Variants in RARB observed in about 807,000 individuals in gnomAD.
RARB encodes retinoic acid receptor beta, also known as HBV-activated protein.
Under a neutral mutation model 51.9 loss-of-function variants are expected in RARB, and 17 were observed. The ratio of observed to expected loss-of-function variants is 0.33; its 90% CI spans 0.22 to 0.49. The LOEUF (loss-of-function observed/expected upper bound fraction) is 0.49. Among genes scored for constraint, RARB ranks in the 20% least tolerant of loss-of-function variants. The pLI is 0.99. For missense variants in RARB, 369 were observed against 550.8 expected (o/e 0.67, Z 3.30); for synonymous variants, 215 against 195.4 (o/e 1.10, Z -0.84).
intron 1 of RARB, among the ~76,000 whole-genome samples, chr3:25,434,652 C>T (rs990511393): frequency 1.7e-4 from 25 of 151,512 alleles, no homozygotes; most frequent in African/African-American, 6.1e-4. Flanking sequence ...AGTGATTCTC[C>T]TGCCTCAGCC....
At chr3:25,334,422 T>C (rs1264176801) in intron 5 of RARB, among the ~76,000 whole-genome samples, 1 of 152,054 alleles carries the variant, frequency 6.6e-6, no homozygotes, top group African/African-American at 2.4e-5. Context: ...AGCAAACTAT[T>C]GCAAGGACAG....
chr3:24,879,925 C>G (rs1703125062), intron 2 of RARB, among the ~76,000 whole-genome samples: 1 of 150,554 alleles, frequency 6.6e-6, no homozygotes, highest in Non-Finnish European at 1.5e-5. Flanking sequence ...TGCGTGAATC[C>G]CATCTTGCAA....
At chr3:25,082,842 A>G (rs1699033843) in intron 3 of RARB, among the ~76,000 whole-genome samples, 1 of 152,082 alleles carries the variant, frequency 6.6e-6, no homozygotes, top group Non-Finnish European at 1.5e-5. Flanking sequence ...GCAAGTCTAT[A>G]TAGTGCAAGT....
intron 5 of RARB, among the ~76,000 whole-genome samples, chr3:25,212,198 A>G (rs1372200878): frequency 2.0e-5 from 3 of 152,236 alleles, no homozygotes; most frequent in African/African-American, 7.2e-5. Flanking sequence ...CTAAAATGAA[A>G]CTGAAAGGAA....
At chr3:25,030,812 G>GT (rs1697857416) in intron 2 of RARB, among the ~76,000 whole-genome samples, 1 of 152,188 alleles carries the variant, frequency 6.6e-6, no homozygotes, top group Non-Finnish European at 1.5e-5. Flanking sequence ...AACACTAAAT[G>GT]TAAGTTCAAG....
intron 2 of RARB, among the ~76,000 whole-genome samples, chr3:25,021,435 G>A (rs1050761117): frequency 6.6e-6 from 1 of 151,756 alleles, no homozygotes; most frequent in African/African-American, 2.4e-5. Context: ...AATGAGCTAA[G>A]AATCACCTTA....
chr3:25,560,927 G>A (rs939961375), intron 3 of RARB, among the ~76,000 whole-genome samples: 5 of 152,062 alleles, frequency 3.3e-5, no homozygotes, highest in Non-Finnish European at 7.4e-5. Flanking sequence ...TTGGTATAGG[G>A]CTCCCACTAT....
At chr3:25,552,818 A>C (rs1699902363) in intron 3 of RARB, among the ~76,000 whole-genome samples, 1 of 152,194 alleles carries the variant, frequency 6.6e-6, no homozygotes, top group Admixed American at 6.5e-5. Flanking sequence ...GGAAGAAAAT[A>C]AGTTTGGCCA....
Position 24,856,833 on chromosome 3 carries a change from A to G in RARB, c.-458-1841A>G, listed in dbSNP as rs144309219. Among the ~76,000 whole-genome samples, 211 of 152,324 alleles carry G rather than the reference A, an allele frequency of 1.4e-3. 1 individual carries two copies. Among genetic ancestry groups the G allele is most frequent in the Middle Eastern group, 6.8e-3 (2 of 294 alleles). On this transcript the variant is annotated intron_variant, in intron 1 of 11. Transcript: ENST00000383772. ...CTGAGGCAATACTTAAGGAGTCTGT[A>G]TCTCGAAAAAGCAATTGGATTAAGT...
chr3:25,309,000 C>T (rs1704219531), intron 5 of RARB, among the ~76,000 whole-genome samples: 1 of 152,160 alleles, frequency 6.6e-6, no homozygotes, highest in South Asian at 2.1e-4. Context: ...GGGGAAACCA[C>T]ATCACTGTTG....
intron 2 of RARB, chr3:25,025,249 A>C (rs1489418097): frequency 6.6e-6 from 1 of 152,238 alleles, no homozygotes; most frequent in Admixed American, 6.5e-5. Flanking sequence ...ATTGTAATTT[A>C]ATGTCATTCA....
chr3:25,124,050 C>A (rs768022626), intron 3 of RARB, among the ~76,000 whole-genome samples: 3 of 152,054 alleles, frequency 2.0e-5, no homozygotes, highest in African/African-American at 4.8e-5. Context: ...CAGTACTCAC[C>A]CGGGGAGGGA....
chr3:25,440,687 C>T (rs1277768880), intron 1 of RARB, among the ~76,000 whole-genome samples: 2 of 151,750 alleles, frequency 1.3e-5, no homozygotes, highest in African/African-American at 2.4e-5. Flanking sequence ...GCAGGAGAAT[C>T]GCTTGAACCG....
At chr3:25,584,924 G>A (rs2125312413) in intron 5 of RARB, among the ~76,000 whole-genome samples, 1 of 151,918 alleles carries the variant, frequency 6.6e-6, no homozygotes, top group African/African-American at 2.4e-5. Context: ...CCCTACTTTT[G>A]CCACAGTATT....
intron 2 of RARB, among the ~76,000 whole-genome samples, chr3:24,873,698 C>T (rs1702989616): frequency 6.6e-6 from 1 of 151,230 alleles, no homozygotes; most frequent in South Asian, 2.1e-4. Context: ...TAATTTACAG[C>T]TATAAATTTT....
intron 5 of RARB, among the ~76,000 whole-genome samples, chr3:25,238,622 C>T (rs1407351700): frequency 6.6e-6 from 1 of 152,194 alleles, no homozygotes; most frequent in Non-Finnish European, 1.5e-5. Context: ...TACATCCCCA[C>T]CAATGGTGTA....
At position 25,428,627 on chromosome 3, in the gene RARB, CA is replaced by C; in HGVS notation, c.-99del. 6.9e-6 allele frequency: 10 copies of C among 1,443,984 alleles called. No homozygotes were observed. The highest frequency in any genetic ancestry group is 2.4e-5 in the East Asian group (1 of 41,532). 89.4% of individuals were successfully genotyped at this position (1,443,984 alleles called of 1,614,324 possible). ...GGAAAAAGACCAACAGCCTACGTGC[CA>C]AAAAAGGGGCAGAGTTTGATGGAGT... On this transcript the variant is annotated 5_prime_UTR_variant, in exon 1 of 8. An upstream open reading frame in the 5' UTR gains an earlier in-frame stop. Transcript: ENST00000330688.
intron 5 of RARB, among the ~76,000 whole-genome samples, chr3:25,255,387 A>C (rs1264877413): frequency 2.0e-5 from 3 of 152,148 alleles, no homozygotes; most frequent in Non-Finnish European, 4.4e-5. Context: ...TGAATTCATG[A>C]GGCTCTGTTA....
At chr3:24,877,326 A>T (rs1047953877) in intron 2 of RARB, among the ~76,000 whole-genome samples, 1 of 116,548 alleles carries the variant, frequency 8.6e-6, no homozygotes, top group Admixed American at 9.0e-5. Flanking sequence ...ACATGATAGT[A>T]ATTTTTTAAA....
Sources: allele counts gnomAD v4.1 joint callset (sites outside exome capture counted in the v4.1 genomes callset), GRCh38; gene constraint gnomAD v4.1.1; transcripts MANE v1.5; gene names NCBI Gene and HGNC (gene_info 2026-07-23, HGNC 2026-07-21).